The following AGBL4 variants were observed in gnomAD, a reference collection of about 807,000 sequenced individuals.
The protein encoded by AGBL4 is AGBL carboxypeptidase 4.
Under a neutral mutation model 66.4 loss-of-function variants are expected in AGBL4, and 58 were observed. The ratio of observed to expected loss-of-function variants is 0.87; its 90% CI spans 0.71 to 1.09. The LOEUF is 1.09. AGBL4 is among the 50% of genes least tolerant of loss of function. AGBL4 has a pLI of 0.00. For synonymous variants in AGBL4, 234 were observed against 222.9 expected, an observed-to-expected ratio of 1.05 and a Z score of -0.44; for missense variants, 579 against 631.0, an observed-to-expected ratio of 0.92 and a Z score of 0.88.
At chr1:49,119,666 T>C (rs1411836101) in intron 4 of AGBL4, among the ~76,000 whole-genome samples, 2 of 152,308 alleles carry the variant, frequency 1.3e-5, no homozygotes, top group African/African-American at 2.4e-5. Flanking sequence ...GAGAAGAATG[T>C]ATATTCTGTT....
chr1:49,230,816 G>A (rs1262717214), intron 4 of AGBL4, among the ~76,000 whole-genome samples: 1 of 151,918 alleles, frequency 6.6e-6, no homozygotes, highest in Non-Finnish European at 1.5e-5. Context: ...GTGAGCTTAT[G>A]TTTTTTCCTC....
intron 4 of AGBL4, among the ~76,000 whole-genome samples, chr1:49,229,453 G>C (rs1287554050): frequency 6.6e-6 from 1 of 152,068 alleles, no homozygotes; most frequent in African/African-American, 2.4e-5. Flanking sequence ...ACCTGCACGT[G>C]GTCCTGTTTA....
intron 1 of AGBL4, among the ~76,000 whole-genome samples, chr1:49,966,012 G>A (rs1657531779): frequency 6.6e-6 from 1 of 150,892 alleles, no homozygotes; most frequent in East Asian, 1.9e-4. Flanking sequence ...CGCGATCTTG[G>A]CTCACTGCAA....
At chr1:49,623,892 G>A (rs1035518104) in intron 3 of AGBL4, among the ~76,000 whole-genome samples, 3 of 152,122 alleles carry the variant, frequency 2.0e-5, no homozygotes, top group African/African-American at 7.2e-5. Flanking sequence ...TGGCTCTGCC[G>A]CTGACTAGCT....
At chr1:48,631,877 G>T (rs574849920) in intron 9 of AGBL4, among the ~76,000 whole-genome samples, 90 of 152,250 alleles carry the variant, frequency 5.9e-4, no homozygotes, top group African/African-American at 1.6e-3. Context: ...GGAAAGCCAA[G>T]ACTTATGACC....
intron 3 of AGBL4, among the ~76,000 whole-genome samples, chr1:49,572,077 T>A (rs1008021661): frequency 4.6e-5 from 7 of 152,162 alleles, no homozygotes; most frequent in Non-Finnish European, 1.0e-4. Flanking sequence ...AGGGTGACAC[T>A]GGGCTTGCAG....
At chr1:49,261,963 T>G (rs1306094366) in intron 3 of AGBL4, among the ~76,000 whole-genome samples, 1 of 150,500 alleles carries the variant, frequency 6.6e-6, no homozygotes, top group South Asian at 2.1e-4. Flanking sequence ...AAAACAGAGA[T>G]ATAGATCAAT....
intron 2 of AGBL4, 87 bp downstream of exon 2, chr1:49,851,309 G>A: frequency 3.7e-6 from 5 of 1,363,766 alleles, no homozygotes; most frequent in Non-Finnish European, 4.8e-6. Flanking sequence ...GAGTTGAATT[G>A]CACTGAATGG....
the AGBL4 span, among the ~76,000 whole-genome samples, chr1:48,525,263 G>A: frequency 6.6e-6 from 1 of 152,298 alleles, no homozygotes; most frequent in African/African-American, 2.4e-5. Context: ...ATTACCAAGT[G>A]TCAAATGAAA....
chr1:49,655,426 C>A lies in AGBL4; in HGVS notation c.282+41887G>T, dbSNP rs573799404. Among the ~76,000 whole-genome samples the A allele has an allele frequency of 1.6e-3, 247 of 152,220 alleles. 2 individuals carry two copies. In the South Asian group the frequency reaches 0.021, roughly 13 times the overall value. ...GACAATTAAGTGTCTTGGAGTTGCTCTTCTCGAGTAGTATCTTTGTGGCAT... is the reference window on the plus strand; with the variant it reads ...GACAATTAAGTGTCTTGGAGTTGCTATTCTCGAGTAGTATCTTTGTGGCAT... On this transcript the variant is annotated intron_variant, in intron 3 of 13. Coordinates refer to ENST00000371839, the MANE Select transcript of AGBL4 (RefSeq NM_032785.4).
At chr1:49,944,687 C>T (rs927018296) in intron 1 of AGBL4, among the ~76,000 whole-genome samples, 55 of 151,866 alleles carry the variant, frequency 3.6e-4, no homozygotes, top group African/African-American at 1.1e-3. Flanking sequence ...AGCTCACCAG[C>T]AATGGATCAA....
intron 4 of AGBL4, among the ~76,000 whole-genome samples, chr1:49,208,748 A>T (rs183527773): frequency 1.5e-4 from 23 of 152,256 alleles, no homozygotes; most frequent in Admixed American, 7.2e-4. Flanking sequence ...TATAAAAATA[A>T]AATTAATTCA....
At chr1:48,906,270 C>A (rs952988862) in intron 5 of AGBL4, among the ~76,000 whole-genome samples, 2 of 152,078 alleles carry the variant, frequency 1.3e-5, no homozygotes, top group Non-Finnish European at 2.9e-5. Context: ...GTTATTTTAC[C>A]TAGAAAATAA....
intron 2 of AGBL4, among the ~76,000 whole-genome samples, chr1:49,799,515 T>C (rs573334850): frequency 5.1e-4 from 77 of 152,132 alleles, no homozygotes; most frequent in Non-Finnish European, 9.9e-4. Context: ...GTCTGGGCTG[T>C]AGAAGACTTG....
chr1:49,431,475 G>C (rs899951556), intron 3 of AGBL4, among the ~76,000 whole-genome samples: 24 of 152,242 alleles, frequency 1.6e-4, no homozygotes, highest in African/African-American at 5.8e-4. Flanking sequence ...AAATGTGTCA[G>C]TGGAAAGACA....
At chr1:49,944,566 T>C (rs546074243) in intron 1 of AGBL4, among the ~76,000 whole-genome samples, 91 of 152,110 alleles carry the variant, frequency 6.0e-4, no homozygotes, top group Non-Finnish European at 1.1e-3. Flanking sequence ...AACAACACCT[T>C]AAACCCTAGA....
intron 5 of AGBL4, among the ~76,000 whole-genome samples, chr1:48,985,936 A>G (rs1216053775): frequency 1.3e-5 from 2 of 152,178 alleles, no homozygotes; most frequent in African/African-American, 4.8e-5. Flanking sequence ...TGTATTCCAT[A>G]TGTTCCAAAA....
At chr1:48,627,590 G>GAA (rs563178094) in intron 9 of AGBL4, among the ~76,000 whole-genome samples, 5 of 140,150 alleles carry the variant, frequency 3.6e-5, no homozygotes, top group African/African-American at 1.3e-4. Context: ...GAAAAGAAAA[G>GAA]AAAAAAAAAA....
intron 6 of AGBL4, among the ~76,000 whole-genome samples, chr1:48,689,090 G>A (rs907052623): frequency 2.0e-5 from 3 of 151,240 alleles, no homozygotes; most frequent in African/African-American, 4.9e-5. Context: ...GGTGGTGCAC[G>A]TGTGCCTGCA....
Sources: allele counts gnomAD v4.1 joint callset (sites outside exome capture counted in the v4.1 genomes callset), GRCh38; gene constraint gnomAD v4.1.1; transcripts MANE v1.5; gene names NCBI Gene and HGNC (gene_info 2026-07-23, HGNC 2026-07-21).